The following PTPRQ variants were observed in gnomAD, a reference collection of about 807,000 sequenced individuals.
PTPRQ encodes protein tyrosine phosphatase receptor type Q.
A neutral mutation model predicts 246.0 loss-of-function variants in PTPRQ; 199 were observed. The observed-to-expected ratio is 0.81, with a 90% CI of 0.72 to 0.91. PTPRQ has a LOEUF of 0.91. PTPRQ is among the 40% of genes least tolerant of loss of function. The pLI is 0.00. For missense variants in PTPRQ, 2,624 were observed against 2,528.4 expected (o/e 1.04, Z -0.81); for synonymous variants, 869 against 853.2 (o/e 1.02, Z -0.32).
intron 8 of PTPRQ, among the ~76,000 whole-genome samples, chr12:80,481,807 C>G (rs1050932209): frequency 6.6e-6 from 1 of 151,998 alleles, no homozygotes; most frequent in East Asian, 1.9e-4. Context: ...ACCTAGGAAT[C>G]CAACTTACAA....
At position 80,588,293 on chromosome 12, in the gene PTPRQ, G is replaced by A; in HGVS notation, c.4450G>A (p.Glu1484Lys). Reference sequence around the variant, plus strand: ...AGAATGGGAATCCGAAGAATGTGTTGAATATCAAAAAATTCAATACCTCTA... The same window carrying A: ...AGAATGGGAATCCGAAGAATGTGTTAAATATCAAAAAATTCAATACCTCTA... ...CKEWESEECV[E>K]YQKIQYLYEA... Residue 1484 changes from glutamate to lysine, a missense_variant, in exon 26 of 45, where the codon GAA becomes AAA. Glu to Lys is a moderately conservative substitution (Grantham distance 56). Coordinates refer to ENST00000644991, the MANE Select transcript of PTPRQ (RefSeq NM_001145026.2). The A allele has an allele frequency of 1.3e-6, 2 of 1,551,492 alleles. No individual in the cohort carries two copies. Among genetic ancestry groups the A allele is most frequent in the Non-Finnish European group, 1.7e-6 (2 of 1,146,890 alleles).
intron 8 of PTPRQ, among the ~76,000 whole-genome samples, chr12:80,472,552 C>T (rs1893673930): frequency 2.0e-5 from 3 of 152,122 alleles, no homozygotes; most frequent in Admixed American, 2.0e-4. Flanking sequence ...TAAACAAACA[C>T]ATTTAGTATG....
Position 80,622,120 on chromosome 12 carries a change from C to T in PTPRQ, c.5672C>T (p.Pro1891Leu), listed in dbSNP as rs1899017010. ...GQFTDSDYSD[P>L]VKTLGEGLSE... Reference sequence around the variant, plus strand: ...TTTACTGACTCTGATTATTCTGACCCTGTTAAGACTTTAGGTAAGACATTT... The same window carrying T: ...TTTACTGACTCTGATTATTCTGACCTTGTTAAGACTTTAGGTAAGACATTT... The change falls in exon 33 of 45, where the codon CCT (proline) becomes CTT (leucine). Residue 1891 changes from proline (P) to leucine (L), a missense_variant. Pro to Leu is a moderately conservative substitution (Grantham distance 98, BLOSUM62 -3). Transcript: ENST00000644991. 2.1e-6 allele frequency: 3 copies of T among 1,437,192 alleles called. No homozygotes were observed. The highest frequency in any genetic ancestry group is 2.8e-6 in the Non-Finnish European group (3 of 1,089,886). 89.0% of individuals were successfully genotyped at this position (1,437,192 alleles called of 1,614,324 possible).
At chr12:80,464,336 G>A (rs1485161449) in intron 6 of PTPRQ, among the ~76,000 whole-genome samples, 1 of 81,374 alleles carries the variant, frequency 1.2e-5, no homozygotes, top group African/African-American at 5.6e-5. Flanking sequence ...AAATATATAT[G>A]CACCCAATAC....
chr12:80,533,616 T>C (rs1005711681), intron 17 of PTPRQ, among the ~76,000 whole-genome samples: 1 of 152,032 alleles, frequency 6.6e-6, no homozygotes, highest in African/African-American at 2.4e-5. Context: ...AGGATAGATT[T>C]ATTTTATAAA....
chr12:80,449,656 T>C (rs1425625446), intron 3 of PTPRQ, among the ~76,000 whole-genome samples: 2 of 152,016 alleles, frequency 1.3e-5, no homozygotes, highest in African/African-American at 4.8e-5. Flanking sequence ...TGCTTGTTTT[T>C]CTCAGGTTTG....
At chr12:80,593,634 G>A (rs2121040169) in intron 26 of PTPRQ, 1 of 152,042 alleles carries the variant, frequency 6.6e-6, no homozygotes, top group East Asian at 1.9e-4. Flanking sequence ...ACAAATATAA[G>A]CATAAAAATT....
intron 26 of PTPRQ, among the ~76,000 whole-genome samples, chr12:80,598,067 TAACTC>T (rs1898026575): frequency 1.3e-5 from 2 of 151,936 alleles, no homozygotes; most frequent in Non-Finnish European, 2.9e-5. Flanking sequence ...AGTCAGGAAA[TAACTC>T]ATTTAAGCAT....
intron 26 of PTPRQ, among the ~76,000 whole-genome samples, chr12:80,593,221 T>A (rs890431216): frequency 6.6e-6 from 1 of 152,084 alleles, no homozygotes; most frequent in African/African-American, 2.4e-5. Context: ...CTATAAAGAG[T>A]TATTGATTAA....
At position 80,493,265 on chromosome 12, in the gene PTPRQ, T is replaced by C; in HGVS notation, c.1360-10T>C. On this transcript the variant is annotated splice_polypyrimidine_tract_variant and intron_variant, in intron 9 of 44. Coordinates refer to ENST00000644991, the MANE Select transcript of PTPRQ (RefSeq NM_001145026.2). ...TCACAGTCTTTTAAAATATCTACTT[T>C]TAATTACAGTATATAAATGACCCCA... The C allele has an allele frequency of 6.9e-7, 1 of 1,443,340 alleles. No homozygotes were observed. Among genetic ancestry groups the C allele is most frequent in the Non-Finnish European group, 9.1e-7 (1 of 1,094,836 alleles). The allele number at this position is 1,443,340 out of a possible 1,614,324, so 89.4% of individuals were successfully genotyped here.
intron 35 of PTPRQ, among the ~76,000 whole-genome samples, chr12:80,637,290 T>C (rs1298848530): frequency 1.3e-5 from 2 of 152,164 alleles, no homozygotes; most frequent in East Asian, 3.9e-4. Flanking sequence ...TTGTTTACTA[T>C]TGGTTATTTA....
At chr12:80,648,803 G>T in intron 35 of PTPRQ, 94 bp from the exon 36 acceptor site, 2 of 1,142,792 alleles carry the variant, frequency 1.8e-6, no homozygotes, top group South Asian at 4.2e-5. Flanking sequence ...TTACATTATT[G>T]ATTTATTATA....
At chr12:80,605,370 T>C (rs1898278006) in intron 27 of PTPRQ, among the ~76,000 whole-genome samples, 190 bp downstream of exon 27, 2 of 151,428 alleles carry the variant, frequency 1.3e-5, no homozygotes, top group South Asian at 4.1e-4. Context: ...CTGAATCAGT[T>C]AACATGCATA....
chr12:80,500,123 G>C (rs1431098518), intron 14 of PTPRQ, among the ~76,000 whole-genome samples: 1 of 151,874 alleles, frequency 6.6e-6, no homozygotes, highest in African/African-American at 2.4e-5. Context: ...ATACATTAAA[G>C]CTTTATATGC....
chr12:80,566,876 G>T (rs1223025644), intron 25 of PTPRQ, among the ~76,000 whole-genome samples: 3 of 152,092 alleles, frequency 2.0e-5, no homozygotes, highest in Non-Finnish European at 4.4e-5. Flanking sequence ...ATCACATTTT[G>T]TAATTTTTAA....
chr12:80,502,909 G>T (rs1376915057), intron 14 of PTPRQ, among the ~76,000 whole-genome samples: 2 of 151,786 alleles, frequency 1.3e-5, no homozygotes, highest in Non-Finnish European at 2.9e-5. Flanking sequence ...TAGATCATTT[G>T]CATGGAAGTT....
chr12:80,491,383 G>A (rs1894445488), intron 9 of PTPRQ, among the ~76,000 whole-genome samples: 1 of 151,976 alleles, frequency 6.6e-6, no homozygotes, highest in Non-Finnish European at 1.5e-5. Context: ...TCTGAGTTAT[G>A]TGTTTGTGAT....
intron 26 of PTPRQ, among the ~76,000 whole-genome samples, chr12:80,599,286 G>T (rs1335640806): frequency 6.6e-6 from 1 of 151,888 alleles, no homozygotes; most frequent in Non-Finnish European, 1.5e-5. Context: ...TGGATTATGG[G>T]GAATGAGAGA....
intron 20 of PTPRQ, among the ~76,000 whole-genome samples, chr12:80,541,290 A>G (rs1168346742): frequency 6.6e-6 from 1 of 151,980 alleles, no homozygotes; most frequent in Non-Finnish European, 1.5e-5. Context: ...CACAATCTCC[A>G]CATAGTAGGA....
Sources: gnomAD v4.1 joint callset for allele counts (sites outside exome capture counted in the v4.1 genomes callset) on GRCh38, gnomAD v4.1.1 for gene constraint, MANE v1.5 for transcripts, NCBI Gene and HGNC (gene_info 2026-07-23, HGNC 2026-07-21) for gene names.